Variants in SGCD observed in about 807,000 individuals in gnomAD.
SGCD encodes sarcoglycan delta, also known as delta-sarcoglycan.
A neutral mutation model predicts 36.6 loss-of-function variants in SGCD; 18 were observed. That is an observed-to-expected ratio of 0.49 (90% CI 0.34 to 0.73). The LOEUF (loss-of-function observed/expected upper bound fraction) is 0.73, where lower values mean the gene tolerates loss of function less well. SGCD is among the 30% of genes least tolerant of loss of function. The pLI, the probability that SGCD is intolerant of heterozygous loss-of-function variation, is 0.01. For synonymous variants in SGCD, 133 were observed against 130.6 expected, an observed-to-expected ratio of 1.02 and a Z score of -0.12; for missense variants, 387 against 346.7, an observed-to-expected ratio of 1.12 and a Z score of -0.92.
chr5:156,052,815 G>A (rs1389797263), intron 1 of SGCD, among the ~76,000 whole-genome samples: 1 of 146,318 alleles, frequency 6.8e-6, no homozygotes, highest in Non-Finnish European at 1.5e-5. Flanking sequence ...GCTGCTTAAT[G>A]TCACATTAAC....
At chr5:156,293,025 T>C (rs1052282446) in intron 3 of SGCD, among the ~76,000 whole-genome samples, 10 of 152,218 alleles carry the variant, frequency 6.6e-5, no homozygotes, top group African/African-American at 2.4e-4. Flanking sequence ...AAATATGATT[T>C]AGACATATTT....
intron 7 of SGCD, among the ~76,000 whole-genome samples, chr5:156,720,350 G>A (rs1290120660): frequency 6.6e-6 from 1 of 152,200 alleles, no homozygotes; most frequent in Non-Finnish European, 1.5e-5. Flanking sequence ...TGGGTGGTCA[G>A]GAACGACCTT....
At chr5:156,236,275 G>A (rs1231732463) in intron 3 of SGCD, among the ~76,000 whole-genome samples, 1 of 152,002 alleles carries the variant, frequency 6.6e-6, no homozygotes, top group Non-Finnish European at 1.5e-5. Context: ...ACCTCATTTA[G>A]TTGCAGTATT....
At chr5:155,976,632 C>T (rs988338343) in intron 1 of SGCD, among the ~76,000 whole-genome samples, 1 of 152,124 alleles carries the variant, frequency 6.6e-6, no homozygotes, top group African/African-American at 2.4e-5. Context: ...ACAGGGAGAG[C>T]GTGTGTTGTT....
At position 156,760,281 on chromosome 5, in the gene SGCD, C is replaced by T. The variant is rs1386729298; in HGVS notation, c.*891C>T. On this transcript the variant is annotated 3_prime_UTR_variant, in exon 9 of 9. Coordinates refer to ENST00000337851, the MANE Select transcript of SGCD (RefSeq NM_000337.6). ...TTCTGTTCTCACTTCTGACTTTAACCAAAAGATTTCAACCCACAATGATCA... is the reference window on the plus strand; with the variant it reads ...TTCTGTTCTCACTTCTGACTTTAACTAAAAGATTTCAACCCACAATGATCA... The T allele has an allele frequency of 6.6e-6, 1 of 152,092 alleles. No individual in the cohort carries two copies. The highest frequency in any genetic ancestry group is 2.4e-5 in the African/African-American group (1 of 41,414). The allele number at this position is 152,092 out of a possible 1,614,324, so 9.4% of individuals were successfully genotyped here.
intron 3 of SGCD, among the ~76,000 whole-genome samples, chr5:156,195,949 C>T (rs1764015273): frequency 6.6e-6 from 1 of 152,166 alleles, no homozygotes; most frequent in Non-Finnish European, 1.5e-5. Flanking sequence ...GAAACTCATG[C>T]CACCCGCTCC....
chr5:156,075,693 A>C lies in SGCD; in HGVS notation c.-281-42185A>C, dbSNP rs145073583. Among the ~76,000 whole-genome samples, 837 of 152,344 alleles carry C rather than the reference A, an allele frequency of 5.5e-3. 6 individuals are homozygous for C. Among genetic ancestry groups the C allele is most frequent in the African/African-American group, 0.019 (805 of 41,592 alleles). ...GGAAGACTTAAGAGTCCTTTGTAAT[A>C]ATTCAAGTGTGGGGTGATAACGATA... On this transcript the variant is annotated intron_variant, in intron 1 of 9. Transcript: ENST00000517913.
rs1223939501 is a variant in SGCD at position 155,943,944 on chromosome 5, T to G, written c.-282+73520T>G. Among the ~76,000 whole-genome samples the G allele has an allele frequency of 2.0e-5, 3 of 152,166 alleles. No individual in the cohort carries two copies. The East Asian group carries it at 5.8e-4, about 29-fold the overall frequency. The stretch of plus-strand genomic sequence containing the variant: ...AGCTCAAAGGTGAGAAAAAACTTCC[T>G]CAGAGCTGAAATTTGCATCTTTGAA... On this transcript the variant is annotated intron_variant, in intron 1 of 9. Coordinates refer to the SGCD transcript ENST00000517913.
chr5:156,116,558 A>G (rs572437327), intron 1 of SGCD, among the ~76,000 whole-genome samples: 5 of 152,268 alleles, frequency 3.3e-5, no homozygotes, highest in African/African-American at 1.2e-4. Flanking sequence ...GATAAAGAAC[A>G]AACTTGGAAA....
intron 2 of SGCD, among the ~76,000 whole-genome samples, chr5:156,120,437 G>A (rs748638025): frequency 3.3e-5 from 5 of 152,166 alleles, no homozygotes; most frequent in East Asian, 1.9e-4. Context: ...TCTGGGCAAC[G>A]TTAGGAAATT....
rs111611996 is a variant in SGCD, at chr5:156,228,602, T to C, written c.-43-100932T>C. Among the ~76,000 whole-genome samples, 187 of 152,352 alleles carry C rather than the reference T, an allele frequency of 1.2e-3. 1 individual carries two copies. The Middle Eastern group carries it at 0.017, about 14-fold the overall frequency. On this transcript the variant is annotated intron_variant, in intron 3 of 9. Coordinates refer to the SGCD transcript ENST00000517913. The stretch of plus-strand genomic sequence containing the variant: ...GTATCTGATCAATTCTGCAATTCTA[T>C]ATCTTTTAAGTAGAATATTTAGGCC...
chr5:156,723,382 C>T (rs575428561), intron 7 of SGCD, among the ~76,000 whole-genome samples: 1 of 152,196 alleles, frequency 6.6e-6, no homozygotes, highest in African/African-American at 2.4e-5. Flanking sequence ...ACTCATTCAA[C>T]ACCTATTTAT....
intron 3 of SGCD, among the ~76,000 whole-genome samples, chr5:156,319,671 C>T (rs1003659514): frequency 4.6e-5 from 7 of 152,112 alleles, no homozygotes; most frequent in African/African-American, 9.7e-5. Flanking sequence ...CTTTGCCCTA[C>T]GAGGCAGCTA....
chr5:156,540,123 G>A (rs1410638573), intron 4 of SGCD, among the ~76,000 whole-genome samples: 3 of 152,052 alleles, frequency 2.0e-5, no homozygotes, highest in East Asian at 1.9e-4. Flanking sequence ...ATAGTAGTTA[G>A]GACTTCTAAC....
chr5:156,394,270 T>C (rs2127757444), intron 3 of SGCD, among the ~76,000 whole-genome samples: 1 of 152,358 alleles, frequency 6.6e-6, no homozygotes, highest in South Asian at 2.1e-4. Flanking sequence ...AGCAGTTGTG[T>C]AATACCAATG....
chr5:156,360,907 G>T, intron 3 of SGCD, among the ~76,000 whole-genome samples: 1 of 152,088 alleles, frequency 6.6e-6, no homozygotes, highest in East Asian at 1.9e-4. Context: ...CCAAGAGTAG[G>T]TACCCAGAAA....
chr5:155,837,667 T>C, the SGCD span, among the ~76,000 whole-genome samples: 3 of 152,168 alleles, frequency 2.0e-5, no homozygotes, highest in African/African-American at 7.2e-5. Context: ...TCCTGTATTG[T>C]AGCAGAGCAG....
At chr5:155,741,988 A>C in the SGCD span, among the ~76,000 whole-genome samples, 1 of 152,172 alleles carries the variant, frequency 6.6e-6, no homozygotes, top group Non-Finnish European at 1.5e-5. Context: ...CCTGGCCACC[A>C]GAAGTAGTTT....
intron 3 of SGCD, among the ~76,000 whole-genome samples, chr5:156,152,353 C>T (rs1581132472): frequency 6.6e-6 from 1 of 151,618 alleles, no homozygotes; most frequent in African/African-American, 2.4e-5. Flanking sequence ...AGGAGGTGAA[C>T]TAAATGTGCA....
Sources: allele counts gnomAD v4.1 joint callset (sites outside exome capture counted in the v4.1 genomes callset), GRCh38; gene constraint gnomAD v4.1.1; transcripts MANE v1.5; gene names NCBI Gene and HGNC (gene_info 2026-07-23, HGNC 2026-07-21).